Variants in TMCC1 observed in about 807,000 individuals in gnomAD.
TMCC1 encodes the protein transmembrane and coiled-coil domain family 1, also known as transmembrane and coiled-coil domains protein 1.
TMCC1 carries 15 observed loss-of-function variants against 52.4 expected under a neutral mutation model. That is an observed-to-expected ratio of 0.29 (90% confidence interval 0.19 to 0.44). TMCC1 has a LOEUF of 0.44. Among genes scored for constraint, TMCC1 ranks in the 20% least tolerant of loss-of-function variants. The pLI is 1.00. For synonymous variants in TMCC1, 279 were observed against 301.9 expected, an observed-to-expected ratio of 0.92 and a Z score of 0.79; for missense variants, 503 against 806.0, an observed-to-expected ratio of 0.62 and a Z score of 4.55.
chr3:129,705,792 C>T (rs2108983891), intron 4 of TMCC1, among the ~76,000 whole-genome samples: 1 of 152,130 alleles, frequency 6.6e-6, no homozygotes, highest in African/African-American at 2.4e-5. Flanking sequence ...CGGGGTTTCA[C>T]CATTTTAGCC....
At chr3:129,815,081 C>A (rs1386149548) in intron 4 of TMCC1, among the ~76,000 whole-genome samples, 1 of 152,080 alleles carries the variant, frequency 6.6e-6, no homozygotes, top group African/African-American at 2.4e-5. Context: ...TAGAACACTT[C>A]ACCCAATTGC....
intron 4 of TMCC1, among the ~76,000 whole-genome samples, chr3:129,751,574 C>T (rs1272279313): frequency 6.7e-6 from 1 of 150,370 alleles, no homozygotes; most frequent in Non-Finnish European, 1.5e-5. Flanking sequence ...ATCTTTTTTT[C>T]CCCTCCGAGA....
intron 4 of TMCC1, among the ~76,000 whole-genome samples, chr3:129,716,971 A>G (rs1402790002): frequency 1.3e-5 from 2 of 152,208 alleles, no homozygotes; most frequent in African/African-American, 4.8e-5. Flanking sequence ...CTGGCACATA[A>G]CAAATGCTAT....
intron 4 of TMCC1, among the ~76,000 whole-genome samples, chr3:129,800,570 C>T (rs577236229): frequency 4.3e-4 from 66 of 152,058 alleles, no homozygotes; most frequent in African/African-American, 1.5e-3. Flanking sequence ...TAGGAAGTTA[C>T]TTAGAACTTT....
intron 4 of TMCC1, among the ~76,000 whole-genome samples, chr3:129,755,684 C>T (rs1356356496): frequency 6.6e-6 from 1 of 152,046 alleles, no homozygotes; most frequent in Non-Finnish European, 1.5e-5. Flanking sequence ...AATTAAAACC[C>T]CTAGATAGCA....
Position 129,828,150 on chromosome 3 carries a change from G to A in TMCC1, c.229C>T (p.Pro77Ser). 21 of 1,614,134 alleles carry A rather than the reference G, an allele frequency of 1.3e-5. No individual in the cohort carries two copies. The highest frequency in any genetic ancestry group is 1.8e-5 in the Non-Finnish European group (21 of 1,180,036). Reference sequence around the variant, plus strand: ...CTTTCCAGATCCATTTCAGGTTCTGGATCTGCCTGAATTTGCTGCACATCA... The same window carrying A: ...CTTTCCAGATCCATTTCAGGTTCTGAATCTGCCTGAATTTGCTGCACATCA... ...PHDVQQIQAD[P>S]EPEMDLESQN... Residue 77 changes from proline to serine, a missense_variant, in exon 4 of 7, where the codon CCA (proline) becomes TCA (serine). Transcript: ENST00000393238. The surrounding 1 kb of genome is among the most constrained non-coding windows in gnomAD (Gnocchi z 4.1).
At chr3:129,683,199 A>G (rs2089145800) in intron 4 of TMCC1, among the ~76,000 whole-genome samples, 1 of 152,266 alleles carries the variant, frequency 6.6e-6, no homozygotes, top group Admixed American at 6.5e-5. Flanking sequence ...CTGCATGCCA[A>G]TCCTTTTCAT....
intron 4 of TMCC1, among the ~76,000 whole-genome samples, chr3:129,721,791 G>A (rs138703191): frequency 0.028 from 4,323 of 151,790 alleles, 96 homozygotes; most frequent in Non-Finnish European, 0.044. Context: ...CAGGAGAATC[G>A]CGTGAACCCA....
intron 2 of TMCC1, among the ~76,000 whole-genome samples, chr3:129,865,589 C>T (rs142537451): frequency 6.6e-6 from 1 of 152,142 alleles, no homozygotes; most frequent in East Asian, 1.9e-4. Context: ...GAAAATTGAT[C>T]TTATTTTCCA....
At chr3:129,864,884 GTGAATGGT>G (rs984458819) in intron 2 of TMCC1, among the ~76,000 whole-genome samples, 2 of 152,200 alleles carry the variant, frequency 1.3e-5, no homozygotes, top group Non-Finnish European at 2.9e-5. Flanking sequence ...GCAAACAGAG[GTGAATGGT>G]TTTAAAGAAT....
chr3:129,682,876 C>A (rs2089115304), intron 4 of TMCC1, among the ~76,000 whole-genome samples: 1 of 152,180 alleles, frequency 6.6e-6, no homozygotes, highest in Non-Finnish European at 1.5e-5. Flanking sequence ...GCTCTTGTTG[C>A]CTAGACTGGA....
intron 4 of TMCC1, among the ~76,000 whole-genome samples, chr3:129,806,250 C>T (rs1219660540): frequency 1.3e-5 from 2 of 152,114 alleles, no homozygotes; most frequent in African/African-American, 4.8e-5. Context: ...AAGGCATAAA[C>T]CTACACAGGC....
chr3:129,773,836 T>G (rs2054808431), intron 4 of TMCC1, among the ~76,000 whole-genome samples: 1 of 152,108 alleles, frequency 6.6e-6, no homozygotes, highest in South Asian at 2.1e-4. Context: ...CCCACCTACT[T>G]GGAAGGCTGA....
At chr3:129,783,700 C>A (rs536630609) in intron 4 of TMCC1, among the ~76,000 whole-genome samples, 1 of 152,268 alleles carries the variant, frequency 6.6e-6, no homozygotes, top group East Asian at 1.9e-4. Flanking sequence ...TCATTTGCTT[C>A]TATGAGGTAG....
chr3:129,777,134 A>G (rs1181056182), intron 4 of TMCC1, among the ~76,000 whole-genome samples: 1 of 152,218 alleles, frequency 6.6e-6, no homozygotes. Flanking sequence ...TCTAAGTGTG[A>G]TTTGGAGAGA....
At chr3:129,712,830 G>T (rs2048805464) in intron 4 of TMCC1, among the ~76,000 whole-genome samples, 1 of 152,054 alleles carries the variant, frequency 6.6e-6, no homozygotes, top group Admixed American at 6.6e-5. Flanking sequence ...ATCTTGAGAG[G>T]TTATCTCAAG....
At chr3:129,845,529 GATAC>G (rs2059624043) in intron 2 of TMCC1, among the ~76,000 whole-genome samples, 1 of 151,962 alleles carries the variant, frequency 6.6e-6, no homozygotes, top group African/African-American at 2.4e-5. Flanking sequence ...TTGAAATAAA[GATAC>G]ATAAATAAAT....
chr3:129,675,537 C>A (rs1270087841), intron 4 of TMCC1, among the ~76,000 whole-genome samples: 2 of 152,154 alleles, frequency 1.3e-5, no homozygotes, highest in Non-Finnish European at 2.9e-5. Flanking sequence ...GAAAGTGGTT[C>A]TTTTAAAAAA....
intron 4 of TMCC1, among the ~76,000 whole-genome samples, chr3:129,820,044 G>A (rs2058340139): frequency 6.7e-6 from 1 of 150,096 alleles, no homozygotes; most frequent in Non-Finnish European, 1.5e-5. Flanking sequence ...TCTAGAAGGT[G>A]TTTATGCCAT....
Sources: gnomAD v4.1 joint callset for allele counts (sites outside exome capture counted in the v4.1 genomes callset) on GRCh38, gnomAD v4.1.1 for gene constraint, Gnocchi (gnomAD v3.1) non-coding constraint, MANE v1.5 for transcripts, NCBI Gene and HGNC (gene_info 2026-07-23, HGNC 2026-07-21) for gene names.